LACTB: variants seen among roughly 807,000 people sequenced by gnomAD.
LACTB encodes serine beta-lactamase-like protein LACTB, mitochondrial.
LACTB carries 35 observed loss-of-function variants against 50.2 expected under a neutral mutation model. The ratio of observed to expected loss-of-function variants is 0.70; its 90% CI spans 0.53 to 0.92. The LOEUF is 0.92. Among genes scored for constraint, LACTB ranks in the 40% least tolerant of loss-of-function variants. The pLI, the probability that LACTB is intolerant of heterozygous loss-of-function variation, is 0.00. For missense variants in LACTB, 664 were observed against 691.8 expected (o/e 0.96, Z 0.45); for synonymous variants, 252 against 268.2 (o/e 0.94, Z 0.59).
In LACTB at chr15:63,141,390, T is replaced by C; in HGVS notation, c.1229T>C (p.Phe410Ser). Residue 410 changes from phenylalanine (F) to serine (S), a missense_variant, in exon 6 of 6, where the codon TTT becomes TCT. By Grantham distance (155) the Phe-to-Ser change is radical. Transcript: ENST00000261893. ...TCTACAGTGGGTGACCTTCTGAAATTTGGGAATGCAATGCTTTATGGTTAC... is the reference window on the plus strand; with the variant it reads ...TCTACAGTGGGTGACCTTCTGAAATCTGGGAATGCAATGCTTTATGGTTAC... ...FLSTVGDLLKFGNAMLYGYQV... is the reference protein window; with the variant it reads ...FLSTVGDLLKSGNAMLYGYQV... 1 of 1,614,152 alleles carries C rather than the reference T, an allele frequency of 6.2e-7. No individual in the cohort carries two copies. The highest frequency in any genetic ancestry group is 2.2e-5 in the East Asian group (1 of 44,888).
chr15:63,141,941 G>T lies in LACTB; in HGVS notation c.*136G>T. On this transcript the variant is annotated 3_prime_UTR_variant, in exon 6 of 6. Transcript: ENST00000261893. ...TGCAGAGAATTATGTACCTCTAATTGCTTAATTTTGTAATGGTCTTTTATT... is the reference window on the plus strand; with the variant it reads ...TGCAGAGAATTATGTACCTCTAATTTCTTAATTTTGTAATGGTCTTTTATT... 1 of 665,028 alleles carries T rather than the reference G, an allele frequency of 1.5e-6. No homozygotes were observed. Among genetic ancestry groups the T allele is most frequent in the South Asian group, 2.3e-5 (1 of 43,724 alleles). The allele number at this position is 665,028 out of a possible 1,614,324, so 41.2% of individuals were successfully genotyped here.
chr15:63,127,423 A>C lies in LACTB; in HGVS notation c.686A>C (p.Lys229Thr). The change falls in exon 4 of 6, where the codon AAG becomes ACG. Residue 229 changes from lysine (K) to threonine (T), a missense_variant. Transcript: ENST00000261893. ...GIRHYEKDIK[K>T]VKEEKAYKAL... is the part of the protein sequence containing the mutation. ...CGTCATTATGAAAAGGACATAAAAA[A>C]GGTGAAAGAAGAGAAAGCTTATAAA... 6.2e-7 allele frequency: 1 copy of C among 1,600,886 alleles called. No homozygotes were observed. The highest frequency in any genetic ancestry group is 8.5e-7 in the Non-Finnish European group (1 of 1,176,278).
chr15:63,127,025 A>G lies in LACTB; in HGVS notation c.591A>G (p.Pro197=). The G allele has an allele frequency of 6.2e-7, 1 of 1,607,138 alleles. No individual in the cohort carries two copies. Among genetic ancestry groups the G allele is most frequent in the Non-Finnish European group, 8.5e-7 (1 of 1,176,096 alleles). ...IPVQHYVPEF[P]EKEYEGEKVS... is the part of the protein sequence containing the mutation. The stretch of plus-strand genomic sequence containing the variant: ...TACAACATTATGTTCCCGAATTCCC[A>G]GAAAAAGAATATGAAGGTGAAAAGG... Residue 197 remains proline (P), a synonymous_variant, in exon 3 of 6, where the codon CCA becomes CCG. Transcript: ENST00000261893.
intron 1 of LACTB, 62 bp downstream of exon 1, chr15:63,122,290 C>A: frequency 1.4e-6 from 2 of 1,394,582 alleles, no homozygotes; most frequent in South Asian, 1.4e-5. Context: ...GCGGTGCTGT[C>A]GGGGGCTGAG....
In LACTB at chr15:63,141,078, A is replaced by G. The variant is rs183359387; in HGVS notation, c.1119-202A>G. 6 of 983,488 alleles carry G rather than the reference A, an allele frequency of 6.1e-6. No homozygotes were observed. In the East Asian group the frequency reaches 6.8e-4, roughly 112 times the overall value. 60.9% of individuals were successfully genotyped at this position (983,488 alleles called of 1,614,324 possible). On this transcript the variant is annotated intron_variant, in intron 5 of 5. Transcript: ENST00000261893. ...ACCACTTTCTATGCTTTAATTCAAA[A>G]GGTAATTAGACTATCTTACTTAGTT... is the stretch of plus-strand genomic sequence containing the variant.
chr15:63,125,634 C>A (rs1356810215), intron 2 of LACTB, among the ~76,000 whole-genome samples: 1 of 151,858 alleles, frequency 6.6e-6, no homozygotes, highest in Non-Finnish European at 1.5e-5. Context: ...AATTTATAGT[C>A]ATTGTATTCC....
chr15:63,138,083 T>C (rs1366385301), intron 5 of LACTB, among the ~76,000 whole-genome samples: 1 of 152,154 alleles, frequency 6.6e-6, no homozygotes, highest in Non-Finnish European at 1.5e-5. Context: ...CACAGCACTT[T>C]GGGAGGTGGA....
At chr15:63,122,527 A>AG in intron 1 of LACTB, 109 bp from the exon 2 acceptor site, 1 of 889,642 alleles carries the variant, frequency 1.1e-6, no homozygotes, top group Admixed American at 1.9e-5. Flanking sequence ...GCCCAGGTGG[A>AG]GGGGGCGGGG....
At chr15:63,123,600 T>C (rs983786248) in intron 2 of LACTB, among the ~76,000 whole-genome samples, 3 of 152,098 alleles carry the variant, frequency 2.0e-5, no homozygotes, top group Non-Finnish European at 2.9e-5. Flanking sequence ...GGCTGCGCTG[T>C]TATTTATTGG....
intron 5 of LACTB, among the ~76,000 whole-genome samples, chr15:63,132,688 G>T (rs2037144352): frequency 6.6e-6 from 1 of 152,146 alleles, no homozygotes. Context: ...AGGCATGGTA[G>T]TGTGTACCTG....
At chr15:63,133,110 T>C (rs1443368764) in intron 5 of LACTB, among the ~76,000 whole-genome samples, 1 of 152,172 alleles carries the variant, frequency 6.6e-6, no homozygotes, top group Non-Finnish European at 1.5e-5. Context: ...TGGAGAGGCT[T>C]TAGAACAGAT....
At position 63,124,626 on chromosome 15, in the gene LACTB, C is replaced by T. The variant is rs575546493; in HGVS notation, c.424+1924C>T. On this transcript the variant is annotated intron_variant, in intron 2 of 5. Coordinates refer to ENST00000261893, the MANE Select transcript of LACTB (RefSeq NM_032857.5). Reference sequence around the variant, plus strand: ...TTGCACAGAAATTGATCTAATTGGTCATCCTAGGTTTCTAGGAGTCCCACT... The same window carrying T: ...TTGCACAGAAATTGATCTAATTGGTTATCCTAGGTTTCTAGGAGTCCCACT... Among the ~76,000 whole-genome samples, 12 of 152,156 alleles carry T rather than the reference C, an allele frequency of 7.9e-5. No homozygotes were observed. The South Asian group carries it at 2.5e-3, about 32-fold the overall frequency.
chr15:63,130,524 A>AACC, intron 5 of LACTB: 1 of 148,514 alleles, frequency 6.7e-6, no homozygotes, highest in Non-Finnish European at 1.5e-5. Context: ...GGAAAAAAAA[A>AACC]AAAAAAAAAA....
intron 4 of LACTB, among the ~76,000 whole-genome samples, chr15:63,127,896 C>T (rs1463782061): frequency 6.6e-6 from 1 of 152,198 alleles, no homozygotes; most frequent in Non-Finnish European, 1.5e-5. Flanking sequence ...GGAGACTACC[C>T]AGTCATTTAG....
rs2037061664 is a variant in LACTB, at chr15:63,126,973, C to A, written c.539C>A (p.Ala180Glu). 6.2e-7 allele frequency: 1 copy of A among 1,613,482 alleles called. No homozygotes were observed. ...TMVALAKLWE[A>E]GKLDLDIPVQ... Reference sequence around the variant, plus strand: ...GTTGCTCTTGCCAAATTGTGGGAAGCAGGGAAACTGGATCTTGATATTCCA... The same window carrying A: ...GTTGCTCTTGCCAAATTGTGGGAAGAAGGGAAACTGGATCTTGATATTCCA... Residue 180 changes from alanine to glutamate, a missense_variant, in exon 3 of 6, where the codon GCA becomes GAA. Ala to Glu is a moderately radical substitution (Grantham distance 107). Transcript: ENST00000261893.
intron 5 of LACTB, among the ~76,000 whole-genome samples, chr15:63,137,269 A>C (rs1386559641): frequency 6.6e-6 from 1 of 152,192 alleles, no homozygotes; most frequent in Non-Finnish European, 1.5e-5. Flanking sequence ...GAGCTCAGTG[A>C]ATGTTCTTGC....
In LACTB at chr15:63,141,378, A is replaced by G; in HGVS notation, c.1217A>G (p.Asp406Gly). 1 of 1,614,198 alleles carries G rather than the reference A, an allele frequency of 6.2e-7. No homozygotes were observed. Among genetic ancestry groups the G allele is most frequent in the Non-Finnish European group, 8.5e-7 (1 of 1,180,028 alleles). Residue 406 changes from aspartate (D) to glycine (G), a missense_variant, in exon 6 of 6, where the codon GAC (aspartate) becomes GGC (glycine). Asp to Gly is a moderately conservative substitution (Grantham distance 94). Coordinates refer to ENST00000261893, the MANE Select transcript of LACTB (RefSeq NM_032857.5). ...AGGGFLSTVG[D>G]LLKFGNAMLY... ...GGTGGATTTCTGTCTACAGTGGGTG[A>G]CCTTCTGAAATTTGGGAATGCAATG...
Position 63,141,334 on chromosome 15 carries a change from C to A in LACTB, c.1173C>A (p.Asn391Lys). ...TTGTCAACACACCTTACGTGGATAA[C>A]TCCTATAAATGGGCTGGTGGTGGAT... ...KRLVNTPYVD[N>K]SYKWAGGGFL... Residue 391 changes from asparagine (N) to lysine (K), a missense_variant, in exon 6 of 6, where the codon AAC (asparagine) becomes AAA (lysine). Asn to Lys is a moderately conservative substitution (Grantham distance 94). Transcript: ENST00000261893. 1 of 1,614,122 alleles carries A rather than the reference C, an allele frequency of 6.2e-7. No individual in the cohort carries two copies. Among genetic ancestry groups the A allele is most frequent in the Non-Finnish European group, 8.5e-7 (1 of 1,180,002 alleles).
In LACTB at chr15:63,123,466, C is replaced by A. The variant is rs558824184; in HGVS notation, c.424+764C>A. On this transcript the variant is annotated intron_variant, in intron 2 of 5. Transcript: ENST00000261893. ...CCCCACAGGGTCGGTGGGTCTCTCCCTGTGTGCGGCGACGAGAGAGTGTAG... is the reference window on the plus strand; with the variant it reads ...CCCCACAGGGTCGGTGGGTCTCTCCATGTGTGCGGCGACGAGAGAGTGTAG... 2.1e-3 allele frequency among the ~76,000 whole-genome samples: 327 copies of A among 152,278 alleles called. 2 individuals carry two copies. The highest frequency in any genetic ancestry group is 7.6e-3 in the African/African-American group (317 of 41,548).
Sources: allele counts gnomAD v4.1 joint callset (sites outside exome capture counted in the v4.1 genomes callset), GRCh38; gene constraint gnomAD v4.1.1; transcripts MANE v1.5; gene names NCBI Gene and HGNC (gene_info 2026-07-23, HGNC 2026-07-21).